The following CMTM4 variants were observed in gnomAD, a reference collection of about 807,000 sequenced individuals.
CMTM4 encodes CKLF like MARVEL transmembrane domain containing 4, also known as CKLF-like MARVEL transmembrane domain-containing protein 4.
CMTM4 carries 8 observed loss-of-function variants against 19.0 expected under a neutral mutation model. The ratio of observed to expected loss-of-function variants is 0.42; its 90% CI spans 0.25 to 0.76. The LOEUF (loss-of-function observed/expected upper bound fraction) is 0.76. CMTM4 is among the 30% of genes least tolerant of loss of function. The pLI is 0.27. For missense variants in CMTM4, 228 were observed against 290.2 expected, an observed-to-expected ratio of 0.79 and a Z score of 1.56; for synonymous variants, 106 against 121.1, an observed-to-expected ratio of 0.88 and a Z score of 0.82.
rs527435777 is a variant in CMTM4, at chr16:66,626,989, G to A, written c.364-3487C>T. ...ATGGTAGTGCGTTCCTGTAGTCCCA[G>A]CTACTTGGAAGGCTGAGGTAGGAAG... On this transcript the variant is annotated intron_variant, in intron 2 of 3. Coordinates refer to ENST00000394106, the MANE Select transcript of CMTM4 (RefSeq NM_181521.3). Among the ~76,000 whole-genome samples, 8 of 152,262 alleles carry A rather than the reference G, an allele frequency of 5.3e-5. No individual in the cohort carries two copies. The South Asian group carries it at 1.7e-3, about 32-fold the overall frequency.
At chr16:66,642,007 C>CAATTT (rs1363273973) in intron 1 of CMTM4, among the ~76,000 whole-genome samples, 3 of 152,194 alleles carry the variant, frequency 2.0e-5, no homozygotes, top group Admixed American at 2.0e-4. Flanking sequence ...TACACAACCA[C>CAATTT]AATTTAATTG....
At chr16:66,645,773 G>T (rs1188667590) in intron 1 of CMTM4, among the ~76,000 whole-genome samples, 1 of 152,082 alleles carries the variant, frequency 6.6e-6, no homozygotes, top group African/African-American at 2.4e-5. Flanking sequence ...GAGGTCAGGA[G>T]TTCGAGACCA....
At chr16:66,630,580 T>TC (rs1596910619) in intron 2 of CMTM4, among the ~76,000 whole-genome samples, 1 of 151,980 alleles carries the variant, frequency 6.6e-6, no homozygotes, top group South Asian at 2.1e-4. Context: ...CCGCGAGTGA[T>TC]CCGCCAGCCT....
At chr16:66,631,977 C>T (rs78818808) in intron 2 of CMTM4, among the ~76,000 whole-genome samples, 2 of 152,204 alleles carry the variant, frequency 1.3e-5, no homozygotes, top group African/African-American at 2.4e-5. Flanking sequence ...AGACGAGTCA[C>T]GCCCTAGGGC....
intron 1 of CMTM4, among the ~76,000 whole-genome samples, chr16:66,640,086 G>C (rs2016070918): frequency 6.6e-6 from 1 of 152,038 alleles, no homozygotes; most frequent in African/African-American, 2.4e-5. Flanking sequence ...CACTATGGGA[G>C]GCCGAGGCGG....
chr16:66,632,508 A>G (rs897761046), intron 2 of CMTM4, among the ~76,000 whole-genome samples: 1 of 152,156 alleles, frequency 6.6e-6, no homozygotes, highest in African/African-American at 2.4e-5. Flanking sequence ...TTTTTTCAGA[A>G]TTTGACAATA....
chr16:66,689,729 G>T (rs2017102110), intron 1 of CMTM4, among the ~76,000 whole-genome samples: 1 of 152,054 alleles, frequency 6.6e-6, no homozygotes. Flanking sequence ...TTATTAATAT[G>T]GTGTACACCT....
intron 1 of CMTM4, among the ~76,000 whole-genome samples, chr16:66,695,977 C>CTGCCACAGGT: frequency 6.6e-6 from 1 of 152,336 alleles, no homozygotes; most frequent in East Asian, 1.9e-4. Flanking sequence ...CCGGGAAAAC[C>CTGCCACAGGT]TGCCACAGGT....
intron 1 of CMTM4, among the ~76,000 whole-genome samples, chr16:66,674,423 G>C (rs1225962496): frequency 3.3e-5 from 5 of 152,124 alleles, no homozygotes; most frequent in Non-Finnish European, 7.4e-5. Context: ...TGGTCACAAA[G>C]GCCCCTCGGT....
At chr16:66,664,411 A>G (rs2016555304) in intron 1 of CMTM4, among the ~76,000 whole-genome samples, 1 of 152,102 alleles carries the variant, frequency 6.6e-6, no homozygotes, top group Non-Finnish European at 1.5e-5. Context: ...CTCGGTAAAC[A>G]TAATATACAA....
Position 66,657,759 on chromosome 16 carries a change from G to A in CMTM4, c.187-21178C>T, listed in dbSNP as rs114142189. Among the ~76,000 whole-genome samples the A allele has an allele frequency of 1.9e-3, 291 of 152,354 alleles. 1 individual carries two copies. The highest frequency in any genetic ancestry group is 6.6e-3 in the African/African-American group (274 of 41,588). On this transcript the variant is annotated intron_variant, in intron 1 of 3. Transcript: ENST00000394106. ...AACTCATTGTTCACCTTTAGAGGTT[G>A]CTAAAGCATTAGCTTGTTATTAGGA...
chr16:66,692,678 G>C (rs1035016381), intron 1 of CMTM4, among the ~76,000 whole-genome samples: 1 of 152,146 alleles, frequency 6.6e-6, no homozygotes, highest in African/African-American at 2.4e-5. Flanking sequence ...GACCAAGATG[G>C]GCAGATCACT....
At chr16:66,600,289 G>A in the CMTM4 span, among the ~76,000 whole-genome samples, 1 of 151,818 alleles carries the variant, frequency 6.6e-6, no homozygotes, top group Non-Finnish European at 1.5e-5. Context: ...ACTACAGGGG[G>A]CACACCACCA....
the CMTM4 span, chr16:66,604,677 G>A: frequency 2.9e-6 from 2 of 681,354 alleles, no homozygotes; most frequent in Non-Finnish European, 4.0e-6. Context: ...GGGGCGTGGC[G>A]GCGGGGGATG....
intron 1 of CMTM4, among the ~76,000 whole-genome samples, chr16:66,681,752 C>T (rs1435796948): frequency 6.6e-6 from 1 of 152,166 alleles, no homozygotes; most frequent in African/African-American, 2.4e-5. Flanking sequence ...GCTAACAAAT[C>T]GGCCCCTCAC....
At chr16:66,608,563 T>A in the CMTM4 span, 1 of 1,220,476 alleles carries the variant, frequency 8.2e-7, no homozygotes, top group Non-Finnish European at 1.1e-6. This position sits in a 1 kb window ranked among gnomAD's most constrained non-coding sequence, Gnocchi z 5.1. Context: ...TTCTCTAGTG[T>A]GCTGGAGTTT....
chr16:66,693,407 C>A (rs2017173963), intron 1 of CMTM4, among the ~76,000 whole-genome samples: 1 of 152,182 alleles, frequency 6.6e-6, no homozygotes, highest in South Asian at 2.1e-4. Context: ...AAATTTTTCT[C>A]CAAACCGCAG....
intron 2 of CMTM4, among the ~76,000 whole-genome samples, chr16:66,631,978 G>A (rs546872820): frequency 7.5e-4 from 114 of 152,222 alleles, no homozygotes; most frequent in African/African-American, 2.6e-3. Flanking sequence ...GACGAGTCAC[G>A]CCCTAGGGCT....
the CMTM4 span, among the ~76,000 whole-genome samples, chr16:66,601,565 C>T: frequency 1.3e-5 from 2 of 152,160 alleles, no homozygotes; most frequent in African/African-American, 2.4e-5. Flanking sequence ...CCACTCTGGT[C>T]GGTCGGACTG....
Sources: gnomAD v4.1 joint callset for allele counts (sites outside exome capture counted in the v4.1 genomes callset) on GRCh38, gnomAD v4.1.1 for gene constraint, Gnocchi (gnomAD v3.1) non-coding constraint, MANE v1.5 for transcripts, NCBI Gene and HGNC (gene_info 2026-07-23, HGNC 2026-07-21) for gene names.